HDAC9: variants seen among roughly 807,000 people sequenced by gnomAD.
The protein encoded by HDAC9 is histone deacetylase 9, also known as MEF-2 interacting transcription repressor (MITR) protein.
HDAC9 carries 41 observed loss-of-function variants against 139.4 expected under a neutral mutation model. The ratio of observed to expected loss-of-function variants is 0.29; its 90% confidence interval spans 0.23 to 0.38. The LOEUF (loss-of-function observed/expected upper bound fraction) is 0.38. Ranked by LOEUF, HDAC9 falls within the 10% of genes least tolerant of loss-of-function variation. The pLI is 1.00. For synonymous variants in HDAC9, 517 were observed against 476.2 expected, an observed-to-expected ratio of 1.09 and a Z score of -1.12; for missense variants, 1,147 against 1,297.0, an observed-to-expected ratio of 0.88 and a Z score of 1.78.
chr7:18,456,872 A>G (rs1156735926), intron 1 of HDAC9, among the ~76,000 whole-genome samples: 2 of 152,214 alleles, frequency 1.3e-5, no homozygotes, highest in African/African-American at 2.4e-5. Flanking sequence ...AAAAATGTCC[A>G]ATTCAAATAG....
At chr7:18,275,859 C>A (rs549849671) in intron 2 of HDAC9, among the ~76,000 whole-genome samples, 1 of 152,302 alleles carries the variant, frequency 6.6e-6, no homozygotes, top group African/African-American at 2.4e-5. Context: ...ACATACCTGT[C>A]ATTTACCTCT....
At chr7:18,569,685 T>C (rs1225066418) in intron 2 of HDAC9, among the ~76,000 whole-genome samples, 1 of 152,200 alleles carries the variant, frequency 6.6e-6, no homozygotes, top group African/African-American at 2.4e-5. Context: ...CATTTTCTTA[T>C]GCCAAATTAT....
chr7:18,954,085 C>T, intron 23 of HDAC9, 61 bp from the exon 24 acceptor site: 1 of 1,157,462 alleles, frequency 8.6e-7, no homozygotes, highest in South Asian at 1.4e-5. Flanking sequence ...TGCTTTGCTT[C>T]TGTGAGACTT....
chr7:18,294,982 C>T (rs1450529948), intron 1 of HDAC9, among the ~76,000 whole-genome samples: 1 of 151,996 alleles, frequency 6.6e-6, no homozygotes, highest in Non-Finnish European at 1.5e-5. Flanking sequence ...TCTAGTGAGA[C>T]GTCTTGTGTG....
At chr7:18,899,588 T>C (rs549329327) in intron 22 of HDAC9, among the ~76,000 whole-genome samples, 41 of 152,020 alleles carry the variant, frequency 2.7e-4, no homozygotes, top group African/African-American at 9.7e-4. Context: ...TTAAAATTAA[T>C]AGTATATTAA....
At chr7:18,332,356 C>T (rs932293778) in intron 1 of HDAC9, among the ~76,000 whole-genome samples, 35 of 119,036 alleles carry the variant, frequency 2.9e-4, no homozygotes, top group African/African-American at 1.0e-3. Flanking sequence ...GCTGTGCATG[C>T]GCACATGTGT....
chr7:18,543,661 T>C, intron 2 of HDAC9: 1 of 152,188 alleles, frequency 6.6e-6, no homozygotes, highest in Admixed American at 6.5e-5. Context: ...ACTACAGTCT[T>C]GGTGAACAAA....
chr7:18,963,985 G>A (rs1489417022), intron 24 of HDAC9, among the ~76,000 whole-genome samples: 2 of 151,950 alleles, frequency 1.3e-5, no homozygotes, highest in African/African-American at 4.8e-5. Flanking sequence ...CAACAATCCT[G>A]CCCTTCAACT....
At chr7:18,509,267 T>G (rs2128181261) in intron 2 of HDAC9, 1 of 985,144 alleles carries the variant, frequency 1.0e-6, no homozygotes, top group Non-Finnish European at 1.2e-6. Flanking sequence ...CTGGAGCTAT[T>G]TTAATCTCCA....
Position 18,648,629 on chromosome 7 carries a change from C to A in HDAC9, c.1413C>A (p.His471Gln). 6.2e-7 allele frequency: 1 copy of A among 1,613,438 alleles called. No individual in the cohort carries two copies. ...TLAQLVIQQQ[H>Q]QQFLEKQKQY... is the part of the protein sequence containing the mutation. ...CTCAGCTGGTCATTCAACAGCAACA[C>A]CAGCAATTCTTGGAGAAGCAGAAGC... Residue 471 changes from histidine (H) to glutamine (Q), a missense_variant, in exon 11 of 26, where the codon CAC becomes CAA. By Grantham distance (24) the His-to-Gln change is conservative. Coordinates refer to ENST00000686413, the MANE Select transcript of HDAC9 (RefSeq NM_178425.4).
At chr7:18,381,599 A>T (rs901927918) in intron 1 of HDAC9, among the ~76,000 whole-genome samples, 1 of 152,112 alleles carries the variant, frequency 6.6e-6, no homozygotes, top group Non-Finnish European at 1.5e-5. Context: ...ATTTTAGGCC[A>T]TTTTTTATTA....
chr7:18,664,594 C>T (rs1794247578), intron 11 of HDAC9, among the ~76,000 whole-genome samples: 1 of 152,198 alleles, frequency 6.6e-6, no homozygotes, highest in South Asian at 2.1e-4. Flanking sequence ...CAGACTCTGC[C>T]TTCTACCAGA....
At chr7:18,713,924 G>A (rs1308953831) in intron 12 of HDAC9, among the ~76,000 whole-genome samples, 2 of 152,158 alleles carry the variant, frequency 1.3e-5, no homozygotes, top group East Asian at 1.9e-4. Flanking sequence ...AAAATAAGTC[G>A]TTGATAACAA....
chr7:18,448,876 G>C (rs1792540997), intron 1 of HDAC9, among the ~76,000 whole-genome samples: 2 of 152,038 alleles, frequency 1.3e-5, no homozygotes, highest in African/African-American at 4.8e-5. Flanking sequence ...TACAAGATTT[G>C]TGGCATAGTA....
intron 1 of HDAC9, among the ~76,000 whole-genome samples, chr7:18,324,367 AGT>A (rs1397318462): frequency 1.3e-5 from 2 of 152,146 alleles, no homozygotes; most frequent in African/African-American, 4.8e-5. Flanking sequence ...TTCACCTCTT[AGT>A]GTCTCAATTT....
intron 24 of HDAC9, among the ~76,000 whole-genome samples, chr7:18,973,138 AGTT>A (rs2129336071): frequency 6.6e-6 from 1 of 152,330 alleles, no homozygotes; most frequent in South Asian, 2.1e-4. Flanking sequence ...TTGCCTAAAT[AGTT>A]GTCACCAGGG....
chr7:18,616,342 G>T (rs1838599173), intron 6 of HDAC9, among the ~76,000 whole-genome samples: 1 of 152,126 alleles, frequency 6.6e-6, no homozygotes, highest in South Asian at 2.1e-4. Flanking sequence ...AGTGTACTTT[G>T]ACTTACTACC....
chr7:18,403,283 AGT>A (rs1787708918), intron 1 of HDAC9, among the ~76,000 whole-genome samples: 1 of 152,198 alleles, frequency 6.6e-6, no homozygotes, highest in African/African-American at 2.4e-5. Flanking sequence ...AATGGAATTC[AGT>A]GACTCTTACG....
chr7:18,996,103 A>G lies in HDAC9; in HGVS notation c.*41A>G. The G allele has an allele frequency of 6.7e-7, 1 of 1,486,088 alleles. No individual in the cohort carries two copies. The highest frequency in any genetic ancestry group is 9.3e-7 in the Non-Finnish European group (1 of 1,074,806). 92.1% of individuals were successfully genotyped at this position (1,486,088 alleles called of 1,614,324 possible). Reference sequence around the variant, plus strand: ...TCTGATATTTCCTGTGTGTGACATCATTGTGTATCCCCCCACCCCAGTACC... The same window carrying G: ...TCTGATATTTCCTGTGTGTGACATCGTTGTGTATCCCCCCACCCCAGTACC... On this transcript the variant is annotated 3_prime_UTR_variant, in exon 26 of 26. Transcript: ENST00000686413.
Sources: gnomAD v4.1 joint callset for allele counts (sites outside exome capture counted in the v4.1 genomes callset) on GRCh38, gnomAD v4.1.1 for gene constraint, MANE v1.5 for transcripts, NCBI Gene and HGNC (gene_info 2026-07-23, HGNC 2026-07-21) for gene names.